Variants in FAM53B observed in about 807,000 individuals in gnomAD.
FAM53B encodes protein FAM53B.
A neutral mutation model predicts 32.7 loss-of-function variants in FAM53B; 12 were observed. The observed-to-expected ratio is 0.37, with a 90% CI of 0.24 to 0.59. The LOEUF (loss-of-function observed/expected upper bound fraction) is 0.59. FAM53B is among the 20% of genes least tolerant of loss of function. The pLI, the probability that FAM53B is intolerant of heterozygous loss-of-function variation, is 0.72. For missense variants in FAM53B, 477 were observed against 577.7 expected, an observed-to-expected ratio of 0.83 and a Z score of 1.79; for synonymous variants, 234 against 228.7, an observed-to-expected ratio of 1.02 and a Z score of -0.21.
chr10:124,654,884 G>A (rs1329114705), intron 4 of FAM53B, among the ~76,000 whole-genome samples: 1 of 152,230 alleles, frequency 6.6e-6, no homozygotes, highest in African/African-American at 2.4e-5. Flanking sequence ...GAGCTCCATG[G>A]GGGAAGTCAC....
intron 2 of FAM53B, among the ~76,000 whole-genome samples, chr10:124,700,263 T>G (rs1259550573): frequency 6.6e-6 from 1 of 152,162 alleles, no homozygotes; most frequent in Non-Finnish European, 1.5e-5. Context: ...CAGTATATGC[T>G]AACATTCCCA....
Position 124,744,334 on chromosome 10 carries a change from A to C in FAM53B, c.-496T>G, listed in dbSNP as rs1950220150. The C allele has an allele frequency of 3.5e-5, 5 of 143,824 alleles. No individual in the cohort carries two copies. The Admixed American group carries it at 3.5e-4, about 10-fold the overall frequency. The allele number at this position is 143,824 out of a possible 1,614,324, so 8.9% of individuals were successfully genotyped here. Reference sequence around the variant, plus strand: ...GGCGCTAGGCGCGGCGGCGGCGTGCAGGAGGCAGGCGGCGTGCGGCGGCGG... The same window carrying C: ...GGCGCTAGGCGCGGCGGCGGCGTGCCGGAGGCAGGCGGCGTGCGGCGGCGG... On this transcript the variant is annotated 5_prime_UTR_variant, in exon 1 of 5. Coordinates refer to ENST00000337318, the MANE Select transcript of FAM53B (RefSeq NM_014661.4).
At chr10:124,741,631 T>C (rs1316642352) in intron 1 of FAM53B, among the ~76,000 whole-genome samples, 1 of 151,826 alleles carries the variant, frequency 6.6e-6, no homozygotes, top group Non-Finnish European at 1.5e-5. Flanking sequence ...GTAGAGAGGA[T>C]GGAGAGGCTA....
At chr10:124,662,703 A>G (rs1949642509) in intron 4 of FAM53B, among the ~76,000 whole-genome samples, 1 of 152,200 alleles carries the variant, frequency 6.6e-6, no homozygotes, top group Non-Finnish European at 1.5e-5. Flanking sequence ...ATGCATCTGT[A>G]GTCCCAGCTA....
intron 1 of FAM53B, among the ~76,000 whole-genome samples, chr10:124,724,920 A>G (rs1160168451): frequency 2.6e-5 from 4 of 152,330 alleles, no homozygotes; most frequent in Non-Finnish European, 4.4e-5. Flanking sequence ...ACAAGGGCCA[A>G]TGTGCCCAGC....
At chr10:124,690,249 G>A (rs1481725296) in intron 3 of FAM53B, among the ~76,000 whole-genome samples, 7 of 152,256 alleles carry the variant, frequency 4.6e-5, no homozygotes, top group African/African-American at 7.2e-5. Context: ...GAGCATGAAT[G>A]TGCATCCCAA....
At chr10:124,738,580 C>CG (rs1950184314) in intron 1 of FAM53B, among the ~76,000 whole-genome samples, 2 of 151,950 alleles carry the variant, frequency 1.3e-5, no homozygotes, top group Admixed American at 1.3e-4. Flanking sequence ...CACACCCCCC[C>CG]GAGAAGCAAC....
At chr10:124,631,035 G>A (rs890674247) in intron 4 of FAM53B, among the ~76,000 whole-genome samples, 2 of 152,214 alleles carry the variant, frequency 1.3e-5, no homozygotes, top group African/African-American at 4.8e-5. Context: ...AGCCAGGTAT[G>A]CTGTGTGGCG....
At chr10:124,686,967 AG>A (rs1194388524) in intron 3 of FAM53B, among the ~76,000 whole-genome samples, 2 of 152,270 alleles carry the variant, frequency 1.3e-5, no homozygotes, top group Non-Finnish European at 2.9e-5. Flanking sequence ...GGAAAAGCAA[AG>A]CACTGCTATT....
chr10:124,715,879 C>A (rs923103622), intron 1 of FAM53B, among the ~76,000 whole-genome samples: 2 of 152,202 alleles, frequency 1.3e-5, no homozygotes, highest in African/African-American at 4.8e-5. Context: ...CCTAGAAACA[C>A]TGAAATCCCT....
intron 1 of FAM53B, among the ~76,000 whole-genome samples, chr10:124,716,807 A>G (rs190708974): frequency 1.3e-5 from 2 of 152,184 alleles, no homozygotes; most frequent in East Asian, 3.9e-4. Context: ...ACTCACACTT[A>G]CCGAGTGGCC....
intron 2 of FAM53B, among the ~76,000 whole-genome samples, chr10:124,701,697 A>G (rs992382604): frequency 6.6e-6 from 1 of 152,214 alleles, no homozygotes; most frequent in African/African-American, 2.4e-5. Context: ...GGCACTGGCC[A>G]GAGTGGGGGA....
At chr10:124,637,336 C>T (rs185516239) in intron 4 of FAM53B, among the ~76,000 whole-genome samples, 46 of 152,314 alleles carry the variant, frequency 3.0e-4, no homozygotes, top group African/African-American at 9.1e-4. Flanking sequence ...TGGCTCCAGC[C>T]GCCTTGTGCT....
At chr10:124,679,827 T>C (rs991463134) in intron 4 of FAM53B, among the ~76,000 whole-genome samples, 16 of 152,264 alleles carry the variant, frequency 1.1e-4, no homozygotes, top group African/African-American at 3.1e-4. Flanking sequence ...TATTTTTAAA[T>C]AGTTTCTAAC....
chr10:124,680,668 C>T (rs959653981), intron 4 of FAM53B, among the ~76,000 whole-genome samples: 2 of 152,154 alleles, frequency 1.3e-5, no homozygotes, highest in African/African-American at 2.4e-5. Flanking sequence ...AAACCATCTT[C>T]GTCAACAAGA....
At chr10:124,728,922 A>G (rs908876298) in intron 1 of FAM53B, among the ~76,000 whole-genome samples, 2 of 152,222 alleles carry the variant, frequency 1.3e-5, no homozygotes, top group Non-Finnish European at 2.9e-5. Flanking sequence ...CTGGCTTTGG[A>G]GCAGAGGGAC....
intron 4 of FAM53B, among the ~76,000 whole-genome samples, chr10:124,669,708 AG>A (rs1949695209): frequency 6.6e-6 from 1 of 152,172 alleles, no homozygotes; most frequent in Admixed American, 6.5e-5. Flanking sequence ...CACCCCAGGA[AG>A]GGAGCCCTAT....
At chr10:124,709,859 TAGA>T (rs1167184438) in intron 1 of FAM53B, among the ~76,000 whole-genome samples, 1 of 129,646 alleles carries the variant, frequency 7.7e-6, no homozygotes, top group Admixed American at 7.5e-5. Flanking sequence ...AAAAAAAAAA[TAGA>T]AGGAGTCCAG....
intron 4 of FAM53B, among the ~76,000 whole-genome samples, chr10:124,633,014 G>A (rs1416089387): frequency 6.6e-6 from 1 of 152,030 alleles, no homozygotes; most frequent in African/African-American, 2.4e-5. Context: ...GTGTTTGGAG[G>A]GATAAATAGA....
Sources: gnomAD v4.1 joint callset for allele counts (sites outside exome capture counted in the v4.1 genomes callset) on GRCh38, gnomAD v4.1.1 for gene constraint, MANE v1.5 for transcripts, NCBI Gene and HGNC (gene_info 2026-07-23, HGNC 2026-07-21) for gene names.